Variants in CYP2C18 observed in about 807,000 individuals in gnomAD.
CYP2C18 encodes cytochrome P450 2C18.
In CYP2C18, 38 loss-of-function variants were observed where a neutral mutation model predicts 41.3. The observed-to-expected ratio is 0.92, with a 90% CI of 0.71 to 1.21. CYP2C18 has a LOEUF of 1.21. Among genes scored for constraint, CYP2C18 ranks in the 50% most tolerant of loss-of-function variants. The pLI, the probability that CYP2C18 is intolerant of heterozygous loss-of-function variation, is 0.00. For missense variants in CYP2C18, 635 were observed against 591.4 expected (o/e 1.07, Z -0.77); for synonymous variants, 236 against 210.0 (o/e 1.12, Z -1.07).
chr10:94,686,187 A>G (rs1846884141), intron 1 of CYP2C18, among the ~76,000 whole-genome samples: 1 of 151,626 alleles, frequency 6.6e-6, no homozygotes, highest in African/African-American at 2.4e-5. Flanking sequence ...TCTTTTTTAG[A>G]TATTTTGTTG....
At chr10:94,686,648 C>T (rs1846892832) in intron 1 of CYP2C18, among the ~76,000 whole-genome samples, 1 of 152,178 alleles carries the variant, frequency 6.6e-6, no homozygotes, top group South Asian at 2.1e-4. Context: ...CAGCATTCCT[C>T]CTGTACCAGC....
intron 6 of CYP2C18, among the ~76,000 whole-genome samples, chr10:94,723,158 G>A (rs1385903830): frequency 6.6e-6 from 1 of 152,144 alleles, no homozygotes; most frequent in Admixed American, 6.6e-5. Flanking sequence ...TTTCAGATCT[G>A]CATTTGGCAA....
At chr10:94,709,214 T>C (rs999430223) in intron 5 of CYP2C18, among the ~76,000 whole-genome samples, 1 of 152,156 alleles carries the variant, frequency 6.6e-6, no homozygotes, top group South Asian at 2.1e-4. Flanking sequence ...GGCATGAAAT[T>C]TGCTGCACCA....
chr10:94,686,961 C>T (rs753956173), intron 1 of CYP2C18, among the ~76,000 whole-genome samples: 18 of 152,132 alleles, frequency 1.2e-4, no homozygotes, highest in Admixed American at 6.6e-4. Context: ...GATCATTAAA[C>T]GTCTTAAAAA....
chr10:94,696,229 C>T (rs1207376765), intron 4 of CYP2C18, among the ~76,000 whole-genome samples: 1 of 152,096 alleles, frequency 6.6e-6, no homozygotes, highest in Non-Finnish European at 1.5e-5. Context: ...GGAGGCACAC[C>T]CCAGTAGGGG....
At chr10:94,722,559 A>G (rs1847665260) in intron 6 of CYP2C18, among the ~76,000 whole-genome samples, 1 of 152,144 alleles carries the variant, frequency 6.6e-6, no homozygotes, top group Admixed American at 6.6e-5. Context: ...TAAGGGTCAT[A>G]AGAATTTCTG....
chr10:94,729,726 C>CCAG (rs1847798289), intron 7 of CYP2C18, among the ~76,000 whole-genome samples: 1 of 152,064 alleles, frequency 6.6e-6, no homozygotes, highest in Non-Finnish European at 1.5e-5. Flanking sequence ...GAAAGGAACA[C>CCAG]CAGCATGACC....
intron 4 of CYP2C18, among the ~76,000 whole-genome samples, chr10:94,705,118 T>G (rs962091243): frequency 6.6e-6 from 1 of 151,498 alleles, no homozygotes; most frequent in Non-Finnish European, 1.5e-5. Flanking sequence ...ATGAGGGAGG[T>G]GGTACAAGTG....
In CYP2C18 at chr10:94,696,410, G is replaced by C. The variant is rs1847117426; in HGVS notation, c.642+1333G>C. On this transcript the variant is annotated intron_variant, in intron 4 of 8. Coordinates refer to ENST00000285979, the MANE Select transcript of CYP2C18 (RefSeq NM_000772.3). ...TCCAGCAAACTCCAACAGACCTGCA[G>C]CTGAGGGTCTTGACTGTTAGAAGGA... Among the ~76,000 whole-genome samples, 5 of 152,308 alleles carry C rather than the reference G, an allele frequency of 3.3e-5. No individual in the cohort carries two copies. In the South Asian group the frequency reaches 1.0e-3, roughly 32 times the overall value.
In CYP2C18 at chr10:94,687,895, A is replaced by G. The variant is rs764197481; in HGVS notation, c.294A>G (p.Gly98=). 4.0e-5 allele frequency: 64 copies of G among 1,613,684 alleles called. No homozygotes were observed. Among genetic ancestry groups the G allele is most frequent in the Non-Finnish European group, 8.5e-7 (1 of 1,179,808 alleles). The change falls in exon 2 of 9, where the codon GGA becomes GGG. Residue 98 remains glycine, a synonymous_variant. Coordinates refer to ENST00000285979, the MANE Select transcript of CYP2C18 (RefSeq NM_000772.3). ...IDHGEEFSGR[G]SFPVAEKVNK... Reference sequence around the variant, plus strand: ...ATGGAGAGGAGTTTTCTGGAAGAGGAAGTTTTCCAGTGGCTGAAAAAGTTA... The same window carrying G: ...ATGGAGAGGAGTTTTCTGGAAGAGGGAGTTTTCCAGTGGCTGAAAAAGTTA...
rs139983205 is a variant in CYP2C18, at chr10:94,718,606, A to T, written c.820-1790A>T. On this transcript the variant is annotated intron_variant, in intron 5 of 8. Coordinates refer to ENST00000285979, the MANE Select transcript of CYP2C18 (RefSeq NM_000772.3). ...TCATATATGGACTTGTGTTGAGGCTAGTTATTAGCTCCACTATCAGGAGCA... is the reference window on the plus strand; with the variant it reads ...TCATATATGGACTTGTGTTGAGGCTTGTTATTAGCTCCACTATCAGGAGCA... 5.1e-3 allele frequency among the ~76,000 whole-genome samples: 776 copies of T among 152,214 alleles called. 13 individuals are homozygous for T. Among genetic ancestry groups the T allele is most frequent in the African/African-American group, 0.017 (713 of 41,552 alleles).
Position 94,735,621 on chromosome 10 carries a change from T to G in CYP2C18, c.*177T>G. On this transcript the variant is annotated 3_prime_UTR_variant, in exon 9 of 9. Transcript: ENST00000285979. ...CCTCCATTAAAGAGAGTTTCTTGGG[T>G]CACTTCCTAAATATATCTGCTATTC... 1.6e-6 allele frequency: 1 copy of G among 640,542 alleles called. No individual in the cohort carries two copies. The highest frequency in any genetic ancestry group is 2.7e-6 in the Non-Finnish European group (1 of 370,098). 39.7% of individuals were successfully genotyped at this position (640,542 alleles called of 1,614,324 possible).
At chr10:94,706,665 T>C (rs1193019091) in intron 4 of CYP2C18, 119 bp from the exon 5 acceptor site, 2 of 586,384 alleles carry the variant, frequency 3.4e-6, no homozygotes, top group Non-Finnish European at 6.0e-6. Flanking sequence ...AATCAAATGC[T>C]CCTCTTACAG....
chr10:94,712,019 T>TTTTTTTTTTC (rs1847445959), intron 5 of CYP2C18, among the ~76,000 whole-genome samples: 1 of 146,176 alleles, frequency 6.8e-6, no homozygotes. Flanking sequence ...TTTTTTTTTT[T>TTTTTTTTTTC]TTTTTTTTTG....
chr10:94,684,897 A>C (rs1484924272), intron 1 of CYP2C18, among the ~76,000 whole-genome samples: 1 of 151,978 alleles, frequency 6.6e-6, no homozygotes, highest in Non-Finnish European at 1.5e-5. Flanking sequence ...ATGAGTTGTG[A>C]TGAGTTATCT....
intron 7 of CYP2C18, among the ~76,000 whole-genome samples, chr10:94,726,274 G>A (rs1278433401): frequency 2.6e-5 from 4 of 151,698 alleles, no homozygotes; most frequent in East Asian, 3.9e-4. Context: ...AGGTATACAC[G>A]TGCCATGGTG....
chr10:94,699,712 G>C (rs902673006), intron 4 of CYP2C18, among the ~76,000 whole-genome samples: 1 of 152,172 alleles, frequency 6.6e-6, no homozygotes, highest in Non-Finnish European at 1.5e-5. Flanking sequence ...TGACATGATT[G>C]TATATTTAGA....
At chr10:94,703,782 GA>G (rs1847286814) in intron 4 of CYP2C18, among the ~76,000 whole-genome samples, 1 of 152,074 alleles carries the variant, frequency 6.6e-6, no homozygotes, top group Non-Finnish European at 1.5e-5. Flanking sequence ...ACTGGGGTAT[GA>G]AAAAAAGACT....
chr10:94,720,709 C>T (rs1042991776), intron 6 of CYP2C18, among the ~76,000 whole-genome samples, 172 bp downstream of exon 6: 3 of 151,996 alleles, frequency 2.0e-5, no homozygotes, highest in Non-Finnish European at 4.4e-5. Flanking sequence ...CAAATTTGCA[C>T]AATAGGGAAG....
Sources: allele counts gnomAD v4.1 joint callset (sites outside exome capture counted in the v4.1 genomes callset), GRCh38; gene constraint gnomAD v4.1.1; transcripts MANE v1.5; gene names NCBI Gene and HGNC (gene_info 2026-07-23, HGNC 2026-07-21).